Variants in NSA2 observed in about 807,000 individuals in gnomAD.
The protein encoded by NSA2 is ribosome biogenesis protein NSA2 homolog.
Under a neutral mutation model 34.8 loss-of-function variants are expected in NSA2, and 18 were observed. The ratio of observed to expected loss-of-function variants is 0.52; its 90% CI spans 0.36 to 0.77. The LOEUF is 0.77. NSA2 is among the 30% of genes least tolerant of loss of function. NSA2 has a pLI of 0.00. For missense variants in NSA2, 188 were observed against 314.7 expected (o/e 0.60, Z 3.05); for synonymous variants, 79 against 100.2 (o/e 0.79, Z 1.26).
chr5:74,775,258 G>A (rs1338045548), intron 5 of NSA2, among the ~76,000 whole-genome samples: 1 of 152,074 alleles, frequency 6.6e-6, no homozygotes, highest in African/African-American at 2.4e-5. Flanking sequence ...ACACAGTTTA[G>A]TTCGTTCTGT....
At chr5:74,776,548 AATTTTT>A (rs1745131484) in intron 5 of NSA2, 50 bp from the exon 6 acceptor site, 1 of 883,972 alleles carries the variant, frequency 1.1e-6, no homozygotes, top group Non-Finnish European at 1.9e-6. Flanking sequence ...CTTTAAAATT[AATTTTT>A]ATTAGCTAAC....
intron 5 of NSA2, among the ~76,000 whole-genome samples, chr5:74,776,362 C>A (rs559981185): frequency 1.3e-5 from 2 of 152,198 alleles, no homozygotes; most frequent in Admixed American, 1.3e-4. Context: ...AAAAATTAGC[C>A]AGGCAGTGGC....
intron 5 of NSA2, 81 bp from the exon 6 acceptor site, chr5:74,776,523 G>T: frequency 1.3e-6 from 1 of 757,640 alleles, no homozygotes; most frequent in Non-Finnish European, 2.3e-6. Context: ...AGAAAAAAAA[G>T]GCAAAAGTTA....
chr5:74,773,295 T>TA (rs1438220131), intron 4 of NSA2, among the ~76,000 whole-genome samples: 1 of 149,790 alleles, frequency 6.7e-6, no homozygotes, highest in Non-Finnish European at 1.5e-5. Flanking sequence ...GACTAGACAG[T>TA]AAAAATCTGG....
chr5:74,774,082 G>T (rs1289858099), intron 5 of NSA2, 22 bp downstream of exon 5: 1 of 1,558,532 alleles, frequency 6.4e-7, no homozygotes, highest in Non-Finnish European at 8.8e-7. Context: ...TTTGAATACA[G>T]GGCTGCTGTG....
chr5:74,777,528 G>T lies in NSA2; in HGVS notation c.*857G>T, dbSNP rs1326405172. On this transcript the variant is annotated 3_prime_UTR_variant, in exon 6 of 6. Transcript: ENST00000610426. Reference sequence around the variant, plus strand: ...GCACTTTTGTGATCTGTTATATGTTGTGGTTTTAAGGATGGCGTATATTAC... The same window carrying T: ...GCACTTTTGTGATCTGTTATATGTTTTGGTTTTAAGGATGGCGTATATTAC... 6.6e-6 allele frequency: 1 copy of T among 152,138 alleles called. No individual in the cohort carries two copies. Among genetic ancestry groups the T allele is most frequent in the East Asian group, 1.9e-4 (1 of 5,180 alleles). 9.4% of individuals were successfully genotyped at this position (152,138 alleles called of 1,614,324 possible).
In NSA2 at chr5:74,771,115, TA is replaced by T. The variant is rs770235591; in HGVS notation, c.522+311del. Among the ~76,000 whole-genome samples the T allele has an allele frequency of 9.2e-5, 14 of 152,022 alleles. No individual in the cohort carries two copies. In the East Asian group the frequency reaches 2.5e-3, roughly 27 times the overall value. Reference sequence around the variant, plus strand: ...CAATGTAGTGAAACCCTATCTGTACTAAAAAATACAAAAAATAAGCTGGGCG... The same window carrying T: ...CAATGTAGTGAAACCCTATCTGTACTAAAAATACAAAAAATAAGCTGGGCG... On this transcript the variant is annotated intron_variant, in intron 4 of 5. Coordinates refer to ENST00000610426, the MANE Select transcript of NSA2 (RefSeq NM_014886.6).
At position 74,776,694 on chromosome 5, in the gene NSA2, T is replaced by C. The variant is rs753394751; in HGVS notation, c.*23T>C. ...TGACAGCAATTTCATATATAATTATTGAGGACTACACACCAATTGAAGAAA... is the reference window on the plus strand; with the variant it reads ...TGACAGCAATTTCATATATAATTATCGAGGACTACACACCAATTGAAGAAA... On this transcript the variant is annotated 3_prime_UTR_variant, in exon 6 of 6. Transcript: ENST00000610426. 1 of 1,214,968 alleles carries C rather than the reference T, an allele frequency of 8.2e-7. No individual in the cohort carries two copies. The highest frequency in any genetic ancestry group is 1.2e-6 in the Non-Finnish European group (1 of 817,580). The allele number at this position is 1,214,968 out of a possible 1,614,324, so 75.3% of individuals were successfully genotyped here.
At chr5:74,774,654 A>T (rs1745053078) in intron 5 of NSA2, among the ~76,000 whole-genome samples, 1 of 152,166 alleles carries the variant, frequency 6.6e-6, no homozygotes, top group Non-Finnish European at 1.5e-5. Flanking sequence ...AGGGAAGCAG[A>T]TGCAAAGTTA....
chr5:74,776,730 T>C lies in NSA2; in HGVS notation c.*59T>C. ...CACCAATTGAAGAAACTGCCATTAC[T>C]GTGATGTTTCTGAATACTACCAAAC... On this transcript the variant is annotated 3_prime_UTR_variant, in exon 6 of 6. Transcript: ENST00000610426. 1.2e-6 allele frequency: 1 copy of C among 869,036 alleles called. No homozygotes were observed. The highest frequency in any genetic ancestry group is 2.0e-6 in the Non-Finnish European group (1 of 506,942). The allele number at this position is 869,036 out of a possible 1,614,324, so 53.8% of individuals were successfully genotyped here.
At chr5:74,776,524 G>A in intron 5 of NSA2, 80 bp from the exon 6 acceptor site, 1 of 784,148 alleles carries the variant, frequency 1.3e-6, no homozygotes, top group Non-Finnish European at 2.2e-6. Flanking sequence ...GAAAAAAAAG[G>A]CAAAAGTTAT....
intron 3 of NSA2, among the ~76,000 whole-genome samples, 180 bp from the exon 4 acceptor site, chr5:74,770,451 G>C (rs1201792136): frequency 2.6e-5 from 4 of 151,106 alleles, no homozygotes; most frequent in African/African-American, 7.3e-5. Flanking sequence ...ATATAAACTT[G>C]TTCTGTTTAA....
intron 1 of NSA2, 84 bp downstream of exon 1, chr5:74,767,447 T>A: frequency 6.5e-7 from 1 of 1,533,896 alleles, no homozygotes; most frequent in Non-Finnish European, 9.0e-7. Context: ...GGGTAGGGGG[T>A]GAGCGGTGGT....
intron 4 of NSA2, among the ~76,000 whole-genome samples, chr5:74,772,087 T>A (rs1035657057): frequency 1.3e-5 from 2 of 151,834 alleles, no homozygotes; most frequent in African/African-American, 4.8e-5. Context: ...GAGAGGAAAG[T>A]TGCAACATGC....
At chr5:74,776,479 G>T in intron 5 of NSA2, 125 bp from the exon 6 acceptor site, 1 of 612,994 alleles carries the variant, frequency 1.6e-6, no homozygotes, top group Non-Finnish European at 3.0e-6. Flanking sequence ...CTGCAGCCTG[G>T]GGAATAAGAG....
At chr5:74,775,813 G>T in intron 5 of NSA2, among the ~76,000 whole-genome samples, 1 of 151,178 alleles carries the variant, frequency 6.6e-6, no homozygotes. Context: ...AATTTTAAAC[G>T]CCCTCATTTG....
chr5:74,768,550 C>T (rs1744797227), intron 1 of NSA2, among the ~76,000 whole-genome samples: 1 of 152,034 alleles, frequency 6.6e-6, no homozygotes, highest in Non-Finnish European at 1.5e-5. Flanking sequence ...AACTGTATAC[C>T]TAAAAAGGAC....
intron 5 of NSA2, among the ~76,000 whole-genome samples, chr5:74,776,231 G>A (rs1745113854): frequency 6.6e-6 from 1 of 152,186 alleles, no homozygotes; most frequent in African/African-American, 2.4e-5. Flanking sequence ...TGGGCGCAGT[G>A]GCTCACACCT....
chr5:74,767,400 G>C (rs770958798), intron 1 of NSA2, 37 bp downstream of exon 1: 365 of 1,611,216 alleles, frequency 2.3e-4, no homozygotes, highest in Non-Finnish European at 3.1e-4. Flanking sequence ...GACACACAGC[G>C]TCTGAGTTAG....
Sources: allele counts gnomAD v4.1 joint callset (sites outside exome capture counted in the v4.1 genomes callset), GRCh38; gene constraint gnomAD v4.1.1; transcripts MANE v1.5; gene names NCBI Gene and HGNC (gene_info 2026-07-23, HGNC 2026-07-21).